EPB41L4A: variants seen among roughly 807,000 people sequenced by gnomAD.
The protein encoded by EPB41L4A is band 4.1-like protein 4A.
EPB41L4A carries 100 observed loss-of-function variants against 108.6 expected under a neutral mutation model. The observed-to-expected ratio is 0.92, with a 90% confidence interval of 0.78 to 1.09. The LOEUF (loss-of-function observed/expected upper bound fraction) is 1.09, where lower values mean the gene tolerates loss of function less well. Ranked by LOEUF, EPB41L4A falls within the 50% of genes least tolerant of loss-of-function variation. EPB41L4A has a pLI of 0.00. For synonymous variants in EPB41L4A, 319 were observed against 289.0 expected, an observed-to-expected ratio of 1.10 and a Z score of -1.05; for missense variants, 1,030 against 842.7, an observed-to-expected ratio of 1.22 and a Z score of -2.75.
intron 6 of EPB41L4A, 129 bp from the exon 7 acceptor site, chr5:112,262,710 T>C: frequency 1.3e-6 from 1 of 758,484 alleles, no homozygotes; most frequent in East Asian, 2.7e-5. Flanking sequence ...CTTAAGTCCT[T>C]GTATTTCAAG....
chr5:112,177,281 T>C (rs1760916757), intron 18 of EPB41L4A, among the ~76,000 whole-genome samples: 1 of 152,146 alleles, frequency 6.6e-6, no homozygotes, highest in Admixed American at 6.5e-5. Context: ...TCAAGGCCTT[T>C]TCCTCTATTT....
chr5:112,190,027 G>GA (rs772362997), intron 17 of EPB41L4A, among the ~76,000 whole-genome samples: 1 of 152,032 alleles, frequency 6.6e-6, no homozygotes, highest in South Asian at 2.1e-4. Context: ...AGCAATAAGC[G>GA]AGCTGCTGGC....
Position 112,296,199 on chromosome 5 carries a change from A to G in EPB41L4A, c.204+11187T>C, listed in dbSNP as rs142174847. On this transcript the variant is annotated intron_variant, in intron 2 of 22. Coordinates refer to ENST00000261486, the MANE Select transcript of EPB41L4A (RefSeq NM_022140.5). ...AAAAGCACTTTATTAAAAATCTTACATTGGCAAACTTATGTTAAAATTAAT... is the reference window on the plus strand; with the variant it reads ...AAAAGCACTTTATTAAAAATCTTACGTTGGCAAACTTATGTTAAAATTAAT... Among the ~76,000 whole-genome samples the G allele has an allele frequency of 2.5e-3, 375 of 152,274 alleles. 2 individuals carry two copies. Among genetic ancestry groups the G allele is most frequent in the African/African-American group, 8.7e-3 (360 of 41,564 alleles).
chr5:112,402,798 A>C lies in EPB41L4A; in HGVS notation c.99+16143T>G, dbSNP rs191774993. ...AAGCAAGGCACATCTTCTTGAATAC[A>C]TACCTGTTTTCAGTACCTCAATTTT... On this transcript the variant is annotated intron_variant, in intron 1 of 22. Transcript: ENST00000261486. Among the ~76,000 whole-genome samples the C allele has an allele frequency of 5.3e-5, 8 of 152,302 alleles. No individual in the cohort carries two copies. In the South Asian group the frequency reaches 1.7e-3, roughly 32 times the overall value.
At chr5:112,409,733 T>C (rs558581789) in intron 1 of EPB41L4A, among the ~76,000 whole-genome samples, 77 of 152,288 alleles carry the variant, frequency 5.1e-4, no homozygotes, top group African/African-American at 1.8e-3. Flanking sequence ...CCCTCAAGGC[T>C]TTCCATCCCT....
At chr5:112,188,186 A>T (rs1433647592) in intron 17 of EPB41L4A, among the ~76,000 whole-genome samples, 2 of 151,378 alleles carry the variant, frequency 1.3e-5, no homozygotes, top group African/African-American at 4.9e-5. Flanking sequence ...AACTGTACTC[A>T]TTTTTTTTGG....
chr5:112,337,681 C>A (rs1757010405), intron 1 of EPB41L4A, among the ~76,000 whole-genome samples: 1 of 152,116 alleles, frequency 6.6e-6, no homozygotes. Flanking sequence ...CATCTCCTGC[C>A]CTCAAGAGTG....
At chr5:112,161,691 A>C (rs370160695), downstream of EPB41L4A, 1 of 493,698 alleles carries the variant, frequency 2.0e-6, no homozygotes, top group Non-Finnish European at 4.1e-6. Flanking sequence ...GCCAGTTCTA[A>C]TTTTTGTTCA....
At chr5:112,230,140 A>T (rs1374577266) in intron 12 of EPB41L4A, among the ~76,000 whole-genome samples, 1 of 152,150 alleles carries the variant, frequency 6.6e-6, no homozygotes, top group Non-Finnish European at 1.5e-5. Flanking sequence ...GCTGATGGGC[A>T]TTTAGGCTGG....
chr5:112,389,086 G>C (rs981555039), intron 1 of EPB41L4A, among the ~76,000 whole-genome samples: 2 of 152,068 alleles, frequency 1.3e-5, no homozygotes, highest in African/African-American at 4.8e-5. Flanking sequence ...AAATTCTATG[G>C]CTTAGCAGAA....
Position 112,175,908 on chromosome 5 carries a change from C to T in EPB41L4A, c.1623-4916G>A, listed in dbSNP as rs62372422. ...AGCCTCCCAAGTAGCTGGGACTACA[C>T]ATACAAGCCACCATACCCAGCTTAT... On this transcript the variant is annotated intron_variant, in intron 18 of 22. Transcript: ENST00000261486. Among the ~76,000 whole-genome samples, 1,225 of 152,156 alleles carry T rather than the reference C, an allele frequency of 8.1e-3. 7 individuals carry two copies. The highest frequency in any genetic ancestry group is 0.013 in the Non-Finnish European group (896 of 67,998).
At chr5:112,179,685 T>C (rs10051634) in intron 18 of EPB41L4A, among the ~76,000 whole-genome samples, 39,646 of 152,078 alleles carry the variant, frequency 0.26, 6,358 homozygotes, top group East Asian at 0.67. Flanking sequence ...TCTTCCTAAA[T>C]TGTGCAGCTA....
At chr5:112,350,890 G>A (rs1757998631) in intron 1 of EPB41L4A, among the ~76,000 whole-genome samples, 1 of 152,208 alleles carries the variant, frequency 6.6e-6, no homozygotes, top group Non-Finnish European at 1.5e-5. Context: ...CACTTAGGAT[G>A]ATTCTCTATC....
intron 1 of EPB41L4A, among the ~76,000 whole-genome samples, chr5:112,402,344 T>C (rs1268808360): frequency 6.6e-6 from 1 of 152,156 alleles, no homozygotes; most frequent in African/African-American, 2.4e-5. Context: ...AACCTTTTTT[T>C]TTTTTTAATC....
chr5:112,393,260 T>C lies in EPB41L4A; in HGVS notation c.99+25681A>G, dbSNP rs184166266. On this transcript the variant is annotated intron_variant, in intron 1 of 22. Coordinates refer to ENST00000261486, the MANE Select transcript of EPB41L4A (RefSeq NM_022140.5). Reference sequence around the variant, plus strand: ...AAGATCAGAGCAGAACTGAAGGAGATAGAGACACAAAAAAACCATCAAAAA... The same window carrying C: ...AAGATCAGAGCAGAACTGAAGGAGACAGAGACACAAAAAAACCATCAAAAA... Among the ~76,000 whole-genome samples, 68 of 151,520 alleles carry C rather than the reference T, an allele frequency of 4.5e-4. No individual in the cohort carries two copies. The East Asian group carries it at 0.012, about 26-fold the overall frequency.
At chr5:112,189,315 G>A (rs564577062) in intron 17 of EPB41L4A, among the ~76,000 whole-genome samples, 29 of 152,198 alleles carry the variant, frequency 1.9e-4, no homozygotes, top group Middle Eastern at 3.4e-3. Context: ...CTATTATCTC[G>A]GGAACTTCAC....
downstream of EPB41L4A, chr5:112,161,726 T>G (rs539073923): frequency 2.2e-6 from 1 of 459,584 alleles, no homozygotes; most frequent in African/African-American, 2.0e-5. Context: ...GCCTGAAGTG[T>G]AGACTGCTGC....
intron 9 of EPB41L4A, among the ~76,000 whole-genome samples, chr5:112,253,114 A>G (rs761361371): frequency 3.9e-5 from 6 of 152,174 alleles, no homozygotes; most frequent in Non-Finnish European, 8.8e-5. Flanking sequence ...ATTTGCATTG[A>G]TTTAAAGTAT....
At chr5:112,247,102 G>C (rs1415553937) in intron 9 of EPB41L4A, among the ~76,000 whole-genome samples, 4 of 152,132 alleles carry the variant, frequency 2.6e-5, no homozygotes, top group Admixed American at 2.6e-4. Flanking sequence ...CTAACGACTT[G>C]TTTCTCAGAA....
Sources: allele counts gnomAD v4.1 joint callset (sites outside exome capture counted in the v4.1 genomes callset), GRCh38; gene constraint gnomAD v4.1.1; transcripts MANE v1.5; gene names NCBI Gene and HGNC (gene_info 2026-07-23, HGNC 2026-07-21).